SNCAIP: variants seen among roughly 807,000 people sequenced by gnomAD.
SNCAIP encodes the protein synuclein alpha interacting protein, also known as synphilin-1.
In SNCAIP, 43 loss-of-function variants were observed where a neutral mutation model predicts 86.7. That is an observed-to-expected ratio of 0.50 (90% CI 0.39 to 0.64). SNCAIP has a LOEUF of 0.64. SNCAIP is among the 30% of genes least tolerant of loss of function. The pLI is 0.00. For synonymous variants in SNCAIP, 417 were observed against 427.2 expected (o/e 0.98, Z 0.29); for missense variants, 981 against 1,103.1 (o/e 0.89, Z 1.57).
intron 1 of SNCAIP, among the ~76,000 whole-genome samples, chr5:122,346,926 A>G (rs1480215257): frequency 6.6e-6 from 1 of 152,016 alleles, no homozygotes; most frequent in African/African-American, 2.4e-5. Flanking sequence ...TCTAAGAGAG[A>G]TTAATGATAT....
chr5:122,440,420 G>A (rs993052300), intron 6 of SNCAIP: 1 of 566,276 alleles, frequency 1.8e-6, no homozygotes. Flanking sequence ...GGAGCTTCCT[G>A]CTCTTAAAAT....
intron 10 of SNCAIP, among the ~76,000 whole-genome samples, chr5:122,456,826 G>A (rs1439054133): frequency 6.6e-6 from 1 of 152,170 alleles, no homozygotes; most frequent in African/African-American, 2.4e-5. Context: ...ACCAAACTAT[G>A]TAATATATGT....
intron 4 of SNCAIP, among the ~76,000 whole-genome samples, 187 bp from the exon 5 acceptor site, chr5:122,425,165 C>G (rs369536428): frequency 6.6e-6 from 1 of 152,140 alleles, no homozygotes; most frequent in Admixed American, 6.5e-5. Flanking sequence ...ATCTGTCTCT[C>G]GAGAACTCAT....
At chr5:122,332,514 T>C (rs1755580023) in intron 1 of SNCAIP, among the ~76,000 whole-genome samples, 1 of 152,180 alleles carries the variant, frequency 6.6e-6, no homozygotes. Flanking sequence ...TCCATGGACT[T>C]AGAGCAAAAT....
intron 5 of SNCAIP, among the ~76,000 whole-genome samples, chr5:122,429,727 T>G (rs1191830213): frequency 6.6e-6 from 1 of 152,108 alleles, no homozygotes; most frequent in Non-Finnish European, 1.5e-5. Context: ...GGATTATATA[T>G]AAAAGGATGG....
intron 2 of SNCAIP, among the ~76,000 whole-genome samples, chr5:122,392,450 A>G (rs994195697): frequency 2.6e-5 from 4 of 151,534 alleles, no homozygotes; most frequent in South Asian, 2.1e-4. Context: ...CTAAGTCACT[A>G]TGCTTGACTT....
chr5:122,448,637 A>ATATAT (rs1782897791), intron 8 of SNCAIP, among the ~76,000 whole-genome samples: 1 of 137,494 alleles, frequency 7.3e-6, no homozygotes, highest in Non-Finnish European at 1.5e-5. Context: ...TATATATTAT[A>ATATAT]TGTTATATAT....
intron 1 of SNCAIP, among the ~76,000 whole-genome samples, chr5:122,335,797 C>T (rs954971354): frequency 6.6e-6 from 1 of 152,186 alleles, no homozygotes; most frequent in Non-Finnish European, 1.5e-5. Context: ...TCCATGCCAT[C>T]CAGTTATTGA....
intron 1 of SNCAIP, among the ~76,000 whole-genome samples, chr5:122,379,592 G>A (rs1766199723): frequency 6.7e-6 from 1 of 150,374 alleles, no homozygotes; most frequent in Non-Finnish European, 1.5e-5. Flanking sequence ...TAGGAGTGGT[G>A]AGAGAGGGCA....
At chr5:122,423,819 C>T (rs1047746077) in intron 4 of SNCAIP, 80 bp downstream of exon 4, 5 of 1,260,218 alleles carry the variant, frequency 4.0e-6, no homozygotes, top group East Asian at 2.3e-5. Flanking sequence ...AGTAACAGAA[C>T]GATGCTGCAT....
At chr5:122,323,907 C>G (rs1026221109) in intron 1 of SNCAIP, among the ~76,000 whole-genome samples, 1 of 152,144 alleles carries the variant, frequency 6.6e-6, no homozygotes, top group Non-Finnish European at 1.5e-5. Context: ...AACCTTGTTG[C>G]GTGACACATC....
intron 1 of SNCAIP, among the ~76,000 whole-genome samples, chr5:122,381,008 G>A (rs1766632541): frequency 1.4e-5 from 2 of 148,046 alleles, no homozygotes; most frequent in Admixed American, 6.6e-5. Flanking sequence ...TGAAAAAAAT[G>A]TATATTCTGT....
At chr5:122,332,845 G>A (rs952883399) in intron 1 of SNCAIP, among the ~76,000 whole-genome samples, 3 of 152,176 alleles carry the variant, frequency 2.0e-5, no homozygotes, top group African/African-American at 7.2e-5. Flanking sequence ...AGAAGCAGGG[G>A]GCAGAAAAGA....
intron 7 of SNCAIP, among the ~76,000 whole-genome samples, chr5:122,441,757 A>C (rs1407097369): frequency 6.6e-6 from 1 of 152,194 alleles, no homozygotes; most frequent in Non-Finnish European, 1.5e-5. Flanking sequence ...CAGAGCAAAA[A>C]GAGGGGATAG....
At chr5:122,455,614 C>T (rs1489152068) in intron 10 of SNCAIP, among the ~76,000 whole-genome samples, 1 of 152,048 alleles carries the variant, frequency 6.6e-6, no homozygotes, top group Non-Finnish European at 1.5e-5. Context: ...AAGAGTGAGG[C>T]GATGGATCCC....
intron 6 of SNCAIP, 119 bp downstream of exon 6, chr5:122,432,201 A>T: frequency 1.5e-6 from 1 of 666,074 alleles, no homozygotes; most frequent in Non-Finnish European, 2.7e-6. Flanking sequence ...CCAAAGGTAT[A>T]TAACCAATGA....
chr5:122,431,992 C>T lies in SNCAIP; in HGVS notation c.1206C>T (p.Arg402=), dbSNP rs1158148020. ...AGAATGGTCAGTTGGAGTGCGTACGCTGGATGGTGAGCGAAACAGAAGCCA... is the reference window on the plus strand; with the variant it reads ...AGAATGGTCAGTTGGAGTGCGTACGTTGGATGGTGAGCGAAACAGAAGCCA... ...AIKNGQLECV[R]WMVSETEAIA... The change falls in exon 6 of 11, where the codon CGC becomes CGT. Residue 402 remains arginine, a synonymous_variant. Coordinates refer to ENST00000261368, the MANE Select transcript of SNCAIP (RefSeq NM_005460.4). The T allele has an allele frequency of 6.3e-7, 1 of 1,595,308 alleles. No individual in the cohort carries two copies. Among genetic ancestry groups the T allele is most frequent in the Non-Finnish European group, 8.6e-7 (1 of 1,163,346 alleles).
At position 122,423,378 on chromosome 5, in the gene SNCAIP, A is replaced by G; in HGVS notation, c.641A>G (p.Lys214Arg). The G allele has an allele frequency of 6.2e-7, 1 of 1,613,608 alleles. No individual in the cohort carries two copies. Among genetic ancestry groups the G allele is most frequent in the Non-Finnish European group, 8.5e-7 (1 of 1,179,668 alleles). ...CCATTTTGTGTTCTTTCTCCCGTGA[A>G]AAGCCCTCACTTGAGAAAAGCATCA... ...MAPFCVLSPV[K>R]SPHLRKASAV... Residue 214 changes from lysine to arginine, a missense_variant, in exon 4 of 11, where the codon AAA becomes AGA. Lys to Arg is a conservative substitution (Grantham distance 26). Transcript: ENST00000261368.
chr5:122,353,700 T>C (rs1240720667), intron 1 of SNCAIP, among the ~76,000 whole-genome samples: 1 of 152,204 alleles, frequency 6.6e-6, no homozygotes, highest in African/African-American at 2.4e-5. Context: ...CCGCCATCCA[T>C]GAAAGACATG....
Sources: allele counts gnomAD v4.1 joint callset (sites outside exome capture counted in the v4.1 genomes callset), GRCh38; gene constraint gnomAD v4.1.1; transcripts MANE v1.5; gene names NCBI Gene and HGNC (gene_info 2026-07-23, HGNC 2026-07-21).